Variants in ERBIN observed in about 807,000 individuals in gnomAD.
ERBIN encodes the protein erbb2 interacting protein.
In ERBIN, 60 loss-of-function variants were observed where a neutral mutation model predicts 158.4. The observed-to-expected ratio is 0.38, with a 90% CI of 0.31 to 0.47. The LOEUF is 0.47. Ranked by LOEUF, ERBIN falls within the 20% of genes least tolerant of loss-of-function variation. ERBIN has a pLI of 0.99. For missense variants in ERBIN, 1,610 were observed against 1,648.0 expected, an observed-to-expected ratio of 0.98 and a Z score of 0.40; for synonymous variants, 594 against 557.2, an observed-to-expected ratio of 1.07 and a Z score of -0.93.
rs769005608 is a variant in ERBIN, at chr5:66,018,179, T to G, written c.534-3143T>G. On this transcript the variant is annotated intron_variant, in intron 7 of 25. Coordinates refer to ENST00000284037, the MANE Select transcript of ERBIN (RefSeq NM_001253697.2). ...TGGAGTCTTTTGTTGTGGTTCTGTA[T>G]ACATTTTAGGATTTTAAAAATATTT... 4.0e-5 allele frequency among the ~76,000 whole-genome samples: 6 copies of G among 151,700 alleles called. No individual in the cohort carries two copies. In the South Asian group the frequency reaches 1.2e-3, roughly 32 times the overall value.
chr5:65,972,925 T>C (rs952693356), intron 1 of ERBIN, among the ~76,000 whole-genome samples: 1 of 151,384 alleles, frequency 6.6e-6, no homozygotes. Flanking sequence ...TGACCTCTCA[T>C]TGTTTTGCCA....
intron 1 of ERBIN, among the ~76,000 whole-genome samples, chr5:65,957,229 ATTTTT>A (rs1179877259): frequency 7.1e-6 from 1 of 141,438 alleles, no homozygotes; most frequent in South Asian, 2.1e-4. Flanking sequence ...ATTTTATTTT[ATTTTT>A]TTTATTGATC....
intron 16 of ERBIN, 81 bp from the exon 17 acceptor site, chr5:66,044,056 G>C (rs952238599): frequency 3.9e-6 from 4 of 1,031,674 alleles, no homozygotes; most frequent in Admixed American, 3.2e-5. Flanking sequence ...ATGTAATTCA[G>C]ATGGGTTACA....
At chr5:65,970,251 C>G (rs1196301943) in intron 1 of ERBIN, among the ~76,000 whole-genome samples, 1 of 152,136 alleles carries the variant, frequency 6.6e-6, no homozygotes, top group African/African-American at 2.4e-5. Flanking sequence ...TTGTTTTTAG[C>G]TCTGCATTGC....
Position 66,013,687 on chromosome 5 carries a change from T to C in ERBIN, c.476+49T>C, listed in dbSNP as rs770222715. 1.5e-4 allele frequency: 189 copies of C among 1,219,994 alleles called. 3 individuals carry two copies. In the Admixed American group the frequency reaches 3.2e-3, roughly 21 times the overall value. The allele number at this position is 1,219,994 out of a possible 1,614,324, so 75.6% of individuals were successfully genotyped here. On this transcript the variant is annotated intron_variant, in intron 6 of 25. Transcript: ENST00000284037. The stretch of plus-strand genomic sequence containing the variant: ...CGTTTTATTATTAGCTCTTATAAAG[T>C]TTACAAAACTATAAGCTGCTTTGGT...
At chr5:65,940,550 C>T in intron 1 of ERBIN, among the ~76,000 whole-genome samples, 1 of 137,460 alleles carries the variant, frequency 7.3e-6, no homozygotes, top group African/African-American at 2.9e-5. Flanking sequence ...GCCAGCCGCC[C>T]CGTCCGGGAG....
At chr5:65,963,139 TTAGAA>T (rs1200702065) in intron 1 of ERBIN, among the ~76,000 whole-genome samples, 1 of 152,328 alleles carries the variant, frequency 6.6e-6, no homozygotes, top group Non-Finnish European at 1.5e-5. Context: ...AATAACTACT[TTAGAA>T]TAGCTTTTTA....
At chr5:66,046,085 C>A (rs755041302) in intron 17 of ERBIN, among the ~76,000 whole-genome samples, 12 of 150,002 alleles carry the variant, frequency 8.0e-5, no homozygotes, top group Non-Finnish European at 1.5e-4. Flanking sequence ...CTCAGTTGTC[C>A]ACACTTACAA....
intron 1 of ERBIN, among the ~76,000 whole-genome samples, chr5:65,974,679 A>T (rs1385046920): frequency 6.6e-6 from 1 of 152,210 alleles, no homozygotes; most frequent in Non-Finnish European, 1.5e-5. Context: ...GGAGAACCCA[A>T]ACTAAGACAG....
chr5:65,966,733 C>T (rs1748678184), intron 1 of ERBIN, among the ~76,000 whole-genome samples: 1 of 132,396 alleles, frequency 7.6e-6, no homozygotes, highest in Admixed American at 8.0e-5. Context: ...CATTCCATGA[C>T]AGGACCTTCA....
At chr5:66,062,756 AT>A (rs1484969179) in intron 21 of ERBIN, among the ~76,000 whole-genome samples, 1 of 152,070 alleles carries the variant, frequency 6.6e-6, no homozygotes, top group Non-Finnish European at 1.5e-5. Flanking sequence ...TTTCCTTCTA[AT>A]AGTCACAACC....
chr5:65,942,810 GCCTACTC>G (rs1241835032), intron 1 of ERBIN, among the ~76,000 whole-genome samples: 1 of 151,650 alleles, frequency 6.6e-6, no homozygotes, highest in Non-Finnish European at 1.5e-5. Context: ...CTGTAATTCC[GCCTACTC>G]GGGAGGCTTG....
At chr5:65,963,989 CG>C (rs1748238649) in intron 1 of ERBIN, among the ~76,000 whole-genome samples, 1 of 152,006 alleles carries the variant, frequency 6.6e-6, no homozygotes, top group South Asian at 2.1e-4. Context: ...TTAGTAGAGA[CG>C]GGGTTTCACC....
At chr5:66,067,101 T>G (rs764644181) in intron 21 of ERBIN, among the ~76,000 whole-genome samples, 10 of 152,208 alleles carry the variant, frequency 6.6e-5, no homozygotes, top group Non-Finnish European at 1.0e-4. Context: ...CTTTGTTTTT[T>G]TTTATTCCAG....
chr5:66,041,459 T>TA (rs1423240226), intron 15 of ERBIN, among the ~76,000 whole-genome samples: 2 of 151,960 alleles, frequency 1.3e-5, no homozygotes, highest in African/African-American at 2.4e-5. Context: ...GCTAAAATAT[T>TA]AGAGTCCTCA....
chr5:66,023,477 TATTAAA>T, intron 9 of ERBIN, 113 bp downstream of exon 9: 1 of 582,556 alleles, frequency 1.7e-6, no homozygotes, highest in Non-Finnish European at 2.9e-6. Context: ...AATTATTCTT[TATTAAA>T]CAGAAGCAAA....
intron 6 of ERBIN, among the ~76,000 whole-genome samples, chr5:66,014,444 T>A (rs1485418680): frequency 6.6e-6 from 1 of 152,198 alleles, no homozygotes; most frequent in Admixed American, 6.5e-5. Flanking sequence ...TTTGTCGCTT[T>A]GAAAATGTGT....
Position 66,014,698 on chromosome 5 carries a change from G to T in ERBIN, c.506G>T (p.Arg169Ile). The T allele has an allele frequency of 6.9e-7, 1 of 1,450,778 alleles. No individual in the cohort carries two copies. 89.9% of individuals were successfully genotyped at this position (1,450,778 alleles called of 1,614,324 possible). Residue 169 changes from arginine (R) to isoleucine (I), a missense_variant, in exon 7 of 26, where the codon AGA becomes ATA. Arg to Ile is a moderately conservative substitution (Grantham distance 97). This residue lies in a region of ERBIN where 596 missense variants were observed against 711.9 expected (regional missense o/e 0.84). Transcript: ENST00000284037. ...ACTAAACTCCAAATATTAGAGCTTA[G>T]AGAAAACCAGTTAAAAATGTTGCCT... ...RLTKLQILELRENQLKMLPKT... is the reference protein window; with the variant it reads ...RLTKLQILELIENQLKMLPKT...
chr5:66,000,752 C>T (rs928259128), intron 4 of ERBIN, among the ~76,000 whole-genome samples: 1 of 152,046 alleles, frequency 6.6e-6, no homozygotes, highest in Admixed American at 6.5e-5. Flanking sequence ...TATTTTCTCT[C>T]CTTTTAGTCT....
Sources: gnomAD v4.1 joint callset for allele counts (sites outside exome capture counted in the v4.1 genomes callset) on GRCh38, gnomAD v4.1.1 for gene constraint, gnomAD v4.1.1 regional missense constraint, MANE v1.5 for transcripts, NCBI Gene and HGNC (gene_info 2026-07-23, HGNC 2026-07-21) for gene names.